EBF1: variants seen among roughly 807,000 people sequenced by gnomAD.
The protein encoded by EBF1 is EBF transcription factor 1.
In EBF1, 10 loss-of-function variants were observed where a neutral mutation model predicts 68.4. That is an observed-to-expected ratio of 0.15 (90% CI 0.09 to 0.25). The LOEUF is 0.25. Among genes scored for constraint, EBF1 ranks in the 10% least tolerant of loss-of-function variants. The pLI, the probability that EBF1 is intolerant of heterozygous loss-of-function variation, is 1.00. For synonymous variants in EBF1, 298 were observed against 299.8 expected, an observed-to-expected ratio of 0.99 and a Z score of 0.06; for missense variants, 509 against 794.4, an observed-to-expected ratio of 0.64 and a Z score of 4.32.
At chr5:159,078,343 A>G (rs1779158609) in intron 5 of EBF1, among the ~76,000 whole-genome samples, 1 of 152,212 alleles carries the variant, frequency 6.6e-6, no homozygotes, top group Non-Finnish European at 1.5e-5. Flanking sequence ...AGGAGAATGA[A>G]TTCACTTATG....
At chr5:158,831,123 G>A (rs1350465669) in intron 7 of EBF1, among the ~76,000 whole-genome samples, 1 of 152,144 alleles carries the variant, frequency 6.6e-6, no homozygotes, top group Non-Finnish European at 1.5e-5. Flanking sequence ...ACTCTTGAGG[G>A]TGTCATTGGT....
chr5:158,901,542 A>C (rs1159993729), intron 6 of EBF1, among the ~76,000 whole-genome samples: 1 of 152,202 alleles, frequency 6.6e-6, no homozygotes, highest in East Asian at 1.9e-4. Context: ...ACACTATGTG[A>C]GCACTATTTT....
rs376500135 is a variant in EBF1, at chr5:158,887,076, C to T, written c.555-46966G>A. Among the ~76,000 whole-genome samples the T allele has an allele frequency of 1.2e-4, 18 of 152,308 alleles. No individual in the cohort carries two copies. The East Asian group carries it at 2.3e-3, about 20-fold the overall frequency. ...AGAAACCTAGATTCTTCAAAGGCCC[C>T]AGTTTCAAATATTCAGTCTTTTTTG... On this transcript the variant is annotated intron_variant, in intron 6 of 15. Transcript: ENST00000313708.
At chr5:158,739,189 A>G (rs919881033) in intron 10 of EBF1, among the ~76,000 whole-genome samples, 4 of 152,200 alleles carry the variant, frequency 2.6e-5, no homozygotes, top group African/African-American at 9.6e-5. Context: ...ACCGGTTGGC[A>G]TTTTCTAGAT....
intron 7 of EBF1, among the ~76,000 whole-genome samples, chr5:158,833,372 G>A (rs1396920916): frequency 6.6e-6 from 1 of 151,554 alleles, no homozygotes; most frequent in Non-Finnish European, 1.5e-5. Flanking sequence ...ATAATAACCT[G>A]TTTAATTTTC....
intron 6 of EBF1, among the ~76,000 whole-genome samples, chr5:159,039,987 C>T (rs1391203709): frequency 6.6e-6 from 1 of 152,082 alleles, no homozygotes; most frequent in African/African-American, 2.4e-5. Flanking sequence ...GTTTTTTGCT[C>T]AAATGTAATA....
intron 6 of EBF1, among the ~76,000 whole-genome samples, chr5:159,004,056 C>A (rs538284658): frequency 6.6e-6 from 1 of 152,298 alleles, no homozygotes; most frequent in South Asian, 2.1e-4. Flanking sequence ...GTGGGCGGAT[C>A]ACTTGAAGTT....
chr5:158,876,336 A>G (rs1797806686), intron 6 of EBF1, among the ~76,000 whole-genome samples: 1 of 152,138 alleles, frequency 6.6e-6, no homozygotes, highest in East Asian at 1.9e-4. Context: ...AGAGAGATTC[A>G]TGTATCTCTA....
intron 6 of EBF1, among the ~76,000 whole-genome samples, chr5:159,068,371 G>GTGGATGGA (rs71851703): frequency 3.3e-5 from 5 of 149,790 alleles, no homozygotes; most frequent in South Asian, 2.1e-4. Context: ...ATGTGGGTGG[G>GTGGATGGA]TGGATGGATG....
chr5:159,032,091 C>T (rs1327980146), intron 6 of EBF1, among the ~76,000 whole-genome samples: 6 of 152,088 alleles, frequency 3.9e-5, no homozygotes, highest in Non-Finnish European at 7.4e-5. Flanking sequence ...AGAAGAGTCT[C>T]AAAATGTCCA....
chr5:158,785,897 T>TC (rs1390290945), intron 9 of EBF1, among the ~76,000 whole-genome samples: 2 of 152,116 alleles, frequency 1.3e-5, no homozygotes, highest in Non-Finnish European at 2.9e-5. Context: ...ATTGTCCGTG[T>TC]CCCCCTAAGT....
chr5:158,877,275 C>T (rs1463930956), intron 6 of EBF1, among the ~76,000 whole-genome samples: 1 of 152,242 alleles, frequency 6.6e-6, no homozygotes. Flanking sequence ...GTGTCACTTA[C>T]TAGGTGCATG....
At chr5:158,789,246 A>G (rs1778076189) in intron 9 of EBF1, among the ~76,000 whole-genome samples, 1 of 152,232 alleles carries the variant, frequency 6.6e-6, no homozygotes, top group African/African-American at 2.4e-5. Flanking sequence ...TTTTAAATCC[A>G]CACATTTAAT....
At chr5:159,050,990 AG>A (rs1427790890) in intron 6 of EBF1, among the ~76,000 whole-genome samples, 2 of 152,124 alleles carry the variant, frequency 1.3e-5, no homozygotes, top group African/African-American at 4.8e-5. Context: ...ACCAGGCCCC[AG>A]GGTTTTCAGT....
chr5:158,796,433 G>A lies in EBF1; in HGVS notation c.821C>T (p.Thr274Met), dbSNP rs755362001. Residue 274 changes from threonine (T) to methionine (M), a missense_variant, in exon 9 of 16, where the codon ACG (threonine) becomes ATG (methionine). Thr to Met is a moderately conservative substitution (Grantham distance 81, BLOSUM62 -1). Transcript: ENST00000313708. ...GATGATCACAGTCGCACCTCCCGTC[G>A]TCCATCCTTCACTCGGGCTGATGGC... ...IKAISPSEGWTTGGATVIIIG... is the reference protein window; with the variant it reads ...IKAISPSEGWMTGGATVIIIG... The A allele has an allele frequency of 9.3e-6, 15 of 1,613,338 alleles. No homozygotes were observed. The highest frequency in any genetic ancestry group is 2.2e-5 in the East Asian group (1 of 44,858).
chr5:159,023,024 A>C (rs532738484), intron 6 of EBF1, among the ~76,000 whole-genome samples: 1 of 152,308 alleles, frequency 6.6e-6, no homozygotes, highest in Non-Finnish European at 1.5e-5. Context: ...TTGCCTTCCC[A>C]GTTCTCCCTT....
intron 6 of EBF1, among the ~76,000 whole-genome samples, chr5:158,881,835 C>G (rs943352674): frequency 6.6e-6 from 1 of 152,176 alleles, no homozygotes; most frequent in African/African-American, 2.4e-5. Context: ...TGCACCCCAA[C>G]CAGCAATGCA....
At chr5:158,821,692 G>A (rs1784847041) in intron 8 of EBF1, among the ~76,000 whole-genome samples, 1 of 151,884 alleles carries the variant, frequency 6.6e-6, no homozygotes, top group Non-Finnish European at 1.5e-5. Flanking sequence ...TGACTCCAAG[G>A]GTATTATAAA....
At chr5:158,993,090 A>C in intron 6 of EBF1, among the ~76,000 whole-genome samples, 1 of 151,268 alleles carries the variant, frequency 6.6e-6, no homozygotes, top group Non-Finnish European at 1.5e-5. Flanking sequence ...TGCTACACCC[A>C]GCTAATTTTT....
Sources: allele counts gnomAD v4.1 joint callset (sites outside exome capture counted in the v4.1 genomes callset), GRCh38; gene constraint gnomAD v4.1.1; transcripts MANE v1.5; gene names NCBI Gene and HGNC (gene_info 2026-07-23, HGNC 2026-07-21).